The following CHSY3 variants were observed in gnomAD, a reference collection of about 807,000 sequenced individuals.
CHSY3 encodes chondroitin sulfate synthase 3, also known as N-acetylgalactosaminyl-proteoglycan 3-beta-glucuronosyltransferase 3.
CHSY3 carries 35 observed loss-of-function variants against 67.2 expected under a neutral mutation model. The ratio of observed to expected loss-of-function variants is 0.52; its 90% CI spans 0.40 to 0.69. The LOEUF (loss-of-function observed/expected upper bound fraction) is 0.69. CHSY3 is among the 30% of genes least tolerant of loss of function. The pLI is 0.00. For synonymous variants in CHSY3, 474 were observed against 434.7 expected (o/e 1.09, Z -1.12); for missense variants, 1,069 against 1,138.5 (o/e 0.94, Z 0.88).
chr5:130,012,162 A>G (rs1056011120), intron 2 of CHSY3, among the ~76,000 whole-genome samples: 20 of 152,314 alleles, frequency 1.3e-4, no homozygotes, highest in African/African-American at 4.6e-4. Context: ...AGCAAACAGA[A>G]CAAAGCCAGA....
At chr5:130,044,749 G>A (rs1424697671) in intron 2 of CHSY3, among the ~76,000 whole-genome samples, 1 of 152,104 alleles carries the variant, frequency 6.6e-6, no homozygotes, top group African/African-American at 2.4e-5. Context: ...CATTATGGGA[G>A]TGGGAAGCTG....
At chr5:129,934,997 A>G (rs2416271) in intron 2 of CHSY3, among the ~76,000 whole-genome samples, 3,312 of 152,292 alleles carry the variant, frequency 0.022, 115 homozygotes, top group African/African-American at 0.073. Context: ...TTATCAAAGA[A>G]AGACAAACTA....
At chr5:130,147,555 C>T (rs1769108572) in intron 2 of CHSY3, among the ~76,000 whole-genome samples, 1 of 152,090 alleles carries the variant, frequency 6.6e-6, no homozygotes, top group Non-Finnish European at 1.5e-5. Flanking sequence ...GTGTATTAGG[C>T]CATTCTTACA....
rs1760200368 is a variant in CHSY3, at chr5:129,905,077, T to A, written c.248T>A (p.Leu83His). 3.9e-6 allele frequency: 6 copies of A among 1,544,552 alleles called. No homozygotes were observed. In the East Asian group the frequency reaches 1.5e-4, roughly 37 times the overall value. The change falls in exon 1 of 3, where the codon CTC becomes CAC. Residue 83 changes from leucine (L) to histidine (H), a missense_variant. Leu to His is a moderately conservative substitution (Grantham distance 99, BLOSUM62 -3). Transcript: ENST00000305031. ...TCGCCGCCCCCCGCGCGCCAGGATC[T>A]CCAGGGGCCACCGCTGCCCGAGGCA... ...EQSPPPARQD[L>H]QGPPLPEAAP...
intron 2 of CHSY3, among the ~76,000 whole-genome samples, chr5:129,956,112 G>A (rs565211002): frequency 5.3e-5 from 8 of 152,156 alleles, no homozygotes; most frequent in East Asian, 3.9e-4. Flanking sequence ...TTGAGGAATC[G>A]CCACACATCT....
At chr5:129,989,262 CTTTTTT>C (rs10632773) in intron 2 of CHSY3, among the ~76,000 whole-genome samples, 1 of 138,312 alleles carries the variant, frequency 7.2e-6, no homozygotes. Context: ...CAAACTTGTT[CTTTTTT>C]TTTTTTTTTT....
intron 2 of CHSY3, among the ~76,000 whole-genome samples, chr5:129,978,217 A>T (rs986085624): frequency 3.9e-5 from 6 of 152,152 alleles, no homozygotes; most frequent in African/African-American, 1.4e-4. Context: ...TGAAAAAAAG[A>T]TGGTCACAAT....
chr5:130,101,138 T>G (rs1378287264), intron 2 of CHSY3, among the ~76,000 whole-genome samples: 1 of 152,248 alleles, frequency 6.6e-6, no homozygotes, highest in Non-Finnish European at 1.5e-5. Flanking sequence ...TTCTTCATAC[T>G]CTTATTTTCT....
chr5:129,963,483 C>T (rs868708265), intron 2 of CHSY3, among the ~76,000 whole-genome samples: 50 of 152,088 alleles, frequency 3.3e-4, no homozygotes, highest in Middle Eastern at 6.8e-3. Context: ...ATTCTGGTCA[C>T]GGTGTGTACT....
chr5:129,957,955 A>AT (rs1448011960), intron 2 of CHSY3, among the ~76,000 whole-genome samples: 2 of 151,664 alleles, frequency 1.3e-5, no homozygotes, highest in Non-Finnish European at 2.9e-5. Context: ...TACTATGTTG[A>AT]TCCTCTGTCT....
At chr5:130,171,435 T>C (rs560688232) in intron 2 of CHSY3, among the ~76,000 whole-genome samples, 1 of 152,320 alleles carries the variant, frequency 6.6e-6, no homozygotes, top group Admixed American at 6.5e-5. Context: ...ACAAACCTGA[T>C]GAACTTAGTG....
At chr5:130,002,941 G>T (rs953751526) in intron 2 of CHSY3, among the ~76,000 whole-genome samples, 1 of 151,896 alleles carries the variant, frequency 6.6e-6, no homozygotes, top group African/African-American at 2.4e-5. Context: ...CTTTGTTTTT[G>T]AATTACTATT....
intron 2 of CHSY3, among the ~76,000 whole-genome samples, chr5:130,165,220 C>T (rs79429217): frequency 0.012 from 1,885 of 152,164 alleles, 36 homozygotes; most frequent in African/African-American, 0.042. Context: ...GTAGGCAGAC[C>T]GGTAGCTATT....
Position 130,103,993 on chromosome 5 carries a change from A to G in CHSY3, c.1087-80236A>G, listed in dbSNP as rs549868738. Among the ~76,000 whole-genome samples, 6 of 151,986 alleles carry G rather than the reference A, an allele frequency of 3.9e-5. No homozygotes were observed. In the South Asian group the frequency reaches 1.2e-3, roughly 31 times the overall value. Reference sequence around the variant, plus strand: ...TGTTCTAGCCAGAGACTATGTATTGATGGACTTTAAGCATTCATTTTTTAC... The same window carrying G: ...TGTTCTAGCCAGAGACTATGTATTGGTGGACTTTAAGCATTCATTTTTTAC... On this transcript the variant is annotated intron_variant, in intron 2 of 2. Transcript: ENST00000305031.
chr5:130,172,930 T>C (rs925398903), intron 2 of CHSY3, among the ~76,000 whole-genome samples: 1 of 152,188 alleles, frequency 6.6e-6, no homozygotes. Flanking sequence ...AGTGATAGGA[T>C]TTCAAAAGGA....
intron 2 of CHSY3, among the ~76,000 whole-genome samples, chr5:130,073,943 T>G (rs1766171916): frequency 6.6e-6 from 1 of 152,220 alleles, no homozygotes; most frequent in Non-Finnish European, 1.5e-5. Flanking sequence ...AGAGCGATAT[T>G]CTTCCAAGTG....
intron 2 of CHSY3, among the ~76,000 whole-genome samples, chr5:130,088,150 A>G (rs1208821215): frequency 2.6e-5 from 4 of 152,128 alleles, no homozygotes; most frequent in Admixed American, 6.5e-5. Flanking sequence ...GGTGCTGGGA[A>G]AACTGGCTAG....
chr5:129,904,262 G>T (rs1226915833), upstream of CHSY3, among the ~76,000 whole-genome samples: 1 of 151,804 alleles, frequency 6.6e-6, no homozygotes, highest in Admixed American at 6.6e-5. Context: ...AGAGGAGGCC[G>T]GCTCTGGACT....
At chr5:130,175,395 T>C (rs1241952189) in intron 2 of CHSY3, among the ~76,000 whole-genome samples, 1 of 152,114 alleles carries the variant, frequency 6.6e-6, no homozygotes, top group Non-Finnish European at 1.5e-5. Context: ...TGCTCATGGA[T>C]AGGAAGAATC....
Sources: allele counts gnomAD v4.1 joint callset (sites outside exome capture counted in the v4.1 genomes callset), GRCh38; gene constraint gnomAD v4.1.1; transcripts MANE v1.5; gene names NCBI Gene and HGNC (gene_info 2026-07-23, HGNC 2026-07-21).